SH3BGRL2: variants seen among roughly 807,000 people sequenced by gnomAD.
SH3BGRL2 encodes the protein SH3 domain binding glutamate rich protein like 2, also known as SH3 domain-binding glutamic acid-rich-like protein 2.
A neutral mutation model predicts 14.8 loss-of-function variants in SH3BGRL2; 21 were observed. The observed-to-expected ratio is 1.42, with a 90% CI of 1.01 to 2.05. SH3BGRL2 has a LOEUF of 2.05. Ranked by LOEUF, SH3BGRL2 falls within the 30% of genes most tolerant of loss-of-function variation. The pLI is 0.00. For synonymous variants in SH3BGRL2, 50 were observed against 47.8 expected (o/e 1.05, Z -0.19); for missense variants, 147 against 130.8 (o/e 1.12, Z -0.61).
chr6:79,569,952 A>G, the SH3BGRL2 span, among the ~76,000 whole-genome samples: 2 of 152,194 alleles, frequency 1.3e-5, no homozygotes, highest in Non-Finnish European at 2.9e-5. Context: ...AAGACTGTCA[A>G]TGGGAACACG....
At chr6:79,669,670 C>T (rs1411547799) in intron 1 of SH3BGRL2, among the ~76,000 whole-genome samples, 2 of 152,064 alleles carry the variant, frequency 1.3e-5, no homozygotes, top group Non-Finnish European at 2.9e-5. Flanking sequence ...GTCTCAAACT[C>T]CTGACCTCAG....
chr6:79,553,612 G>A, the SH3BGRL2 span, among the ~76,000 whole-genome samples: 13 of 152,136 alleles, frequency 8.5e-5, no homozygotes, highest in African/African-American at 3.1e-4. Context: ...ACTTAATTTT[G>A]TGAGACAGAG....
chr6:79,692,073 T>C (rs1185981858), intron 2 of SH3BGRL2, among the ~76,000 whole-genome samples: 3 of 152,346 alleles, frequency 2.0e-5, no homozygotes, highest in South Asian at 4.1e-4. Flanking sequence ...TGGTATCTCA[T>C]TGTGGTTTTG....
Position 79,631,430 on chromosome 6 carries a change from G to A in SH3BGRL2, c.-32G>A, listed in dbSNP as rs1294212714. On this transcript the variant is annotated 5_prime_UTR_variant, in exon 1 of 4. Transcript: ENST00000369838. The stretch of plus-strand genomic sequence containing the variant: ...GTCCACGCCAGCCCGGAGCCCGGGG[G>A]GCAAGGGGTCTGTCCCGGGCGCAGC... The A allele has an allele frequency of 6.6e-7, 1 of 1,514,496 alleles. No homozygotes were observed. Among genetic ancestry groups the A allele is most frequent in the Non-Finnish European group, 8.8e-7 (1 of 1,131,194 alleles). 93.8% of individuals were successfully genotyped at this position (1,514,496 alleles called of 1,614,324 possible). A position where few individuals can be genotyped will look rare whatever the true frequency, so the allele number is the denominator to read the frequency against.
the SH3BGRL2 span, among the ~76,000 whole-genome samples, chr6:79,625,972 C>G: frequency 2.0e-5 from 3 of 152,204 alleles, no homozygotes; most frequent in East Asian, 3.9e-4. Context: ...AAGGAGCAAC[C>G]ACTTAGAATA....
At chr6:79,664,917 G>T (rs914122047) in intron 1 of SH3BGRL2, among the ~76,000 whole-genome samples, 6 of 152,146 alleles carry the variant, frequency 3.9e-5, no homozygotes, top group African/African-American at 1.4e-4. Flanking sequence ...CATTGAAAAA[G>T]TTGCCCAGGC....
the SH3BGRL2 span, among the ~76,000 whole-genome samples, chr6:79,593,645 T>C: frequency 3.9e-5 from 6 of 152,090 alleles, no homozygotes; most frequent in African/African-American, 1.4e-4. Flanking sequence ...ACATTGCATA[T>C]TAGAAAATAC....
chr6:79,551,224 G>C, the SH3BGRL2 span, among the ~76,000 whole-genome samples: 2 of 152,204 alleles, frequency 1.3e-5, no homozygotes, highest in African/African-American at 4.8e-5. Flanking sequence ...CTGCAAGGAC[G>C]TTCTAAACAA....
At chr6:79,598,520 T>C in the SH3BGRL2 span, among the ~76,000 whole-genome samples, 5 of 152,136 alleles carry the variant, frequency 3.3e-5, no homozygotes, top group African/African-American at 1.2e-4. Context: ...CAACCACATA[T>C]TGTATGATTC....
the SH3BGRL2 span, among the ~76,000 whole-genome samples, chr6:79,583,199 T>G: frequency 6.6e-6 from 1 of 152,206 alleles, no homozygotes; most frequent in Non-Finnish European, 1.5e-5. Context: ...GTAAATTAGT[T>G]CAACCATTGT....
At chr6:79,650,018 G>A (rs541792436) in intron 1 of SH3BGRL2, among the ~76,000 whole-genome samples, 21 of 88,122 alleles carry the variant, frequency 2.4e-4, no homozygotes, top group African/African-American at 8.3e-4. Flanking sequence ...CACACACACA[G>A]TTACCCTAAT....
At chr6:79,552,252 C>CAA in the SH3BGRL2 span, among the ~76,000 whole-genome samples, 1 of 152,250 alleles carries the variant, frequency 6.6e-6, no homozygotes, top group East Asian at 1.9e-4. Context: ...AACAGGGTTC[C>CAA]CGTTCATGTC....
chr6:79,578,112 G>A, the SH3BGRL2 span, among the ~76,000 whole-genome samples: 2 of 152,242 alleles, frequency 1.3e-5, no homozygotes, highest in Non-Finnish European at 2.9e-5. Context: ...AAACAAAGCA[G>A]CCGGGAAGCT....
chr6:79,600,509 G>A, the SH3BGRL2 span, among the ~76,000 whole-genome samples: 2 of 152,122 alleles, frequency 1.3e-5, no homozygotes, highest in African/African-American at 4.8e-5. Flanking sequence ...CTTGCTCTGC[G>A]GAGAGGAAAA....
At chr6:79,657,524 G>A (rs1019714108) in intron 1 of SH3BGRL2, among the ~76,000 whole-genome samples, 2 of 152,192 alleles carry the variant, frequency 1.3e-5, no homozygotes, top group Non-Finnish European at 2.9e-5. Flanking sequence ...CTTTTGACAT[G>A]AACAGGTAAT....
chr6:79,632,363 A>G (rs1356223591), intron 1 of SH3BGRL2, among the ~76,000 whole-genome samples: 2 of 152,242 alleles, frequency 1.3e-5, no homozygotes, highest in African/African-American at 2.4e-5. Context: ...GGGACATAGC[A>G]CATGTGTTTT....
chr6:79,539,957 A>G, the SH3BGRL2 span, among the ~76,000 whole-genome samples: 29 of 152,384 alleles, frequency 1.9e-4, no homozygotes, highest in East Asian at 5.2e-3. Context: ...GAAATGTGAT[A>G]CATAACAAAA....
intron 1 of SH3BGRL2, among the ~76,000 whole-genome samples, chr6:79,670,455 CCT>C (rs1438911503): frequency 6.6e-6 from 1 of 152,222 alleles, no homozygotes; most frequent in Non-Finnish European, 1.5e-5. Flanking sequence ...TAAGAAAATT[CCT>C]CTGTTTATCC....
At chr6:79,603,156 A>G in the SH3BGRL2 span, among the ~76,000 whole-genome samples, 3 of 152,328 alleles carry the variant, frequency 2.0e-5, no homozygotes, top group South Asian at 6.2e-4. Context: ...AAAAGTTAAA[A>G]TGGACCTTAC....
Sources: gnomAD v4.1 joint callset for allele counts (sites outside exome capture counted in the v4.1 genomes callset) on GRCh38, gnomAD v4.1.1 for gene constraint, MANE v1.5 for transcripts, NCBI Gene and HGNC (gene_info 2026-07-23, HGNC 2026-07-21) for gene names.